The following PIP5K1B variants were observed in gnomAD, a reference collection of about 807,000 sequenced individuals.
PIP5K1B encodes phosphatidylinositol-4-phosphate 5-kinase type 1 beta.
In PIP5K1B, 42 loss-of-function variants were observed where a neutral mutation model predicts 67.0. The observed-to-expected ratio is 0.63, with a 90% CI of 0.49 to 0.81. The LOEUF (loss-of-function observed/expected upper bound fraction) is 0.81. PIP5K1B is among the 30% of genes least tolerant of loss of function. PIP5K1B has a pLI of 0.00. For missense variants in PIP5K1B, 459 were observed against 646.3 expected (o/e 0.71, Z 3.14); for synonymous variants, 214 against 231.4 (o/e 0.92, Z 0.68).
chr9:68,789,284 C>G (rs1485001299), intron 2 of PIP5K1B: 1 of 422,578 alleles, frequency 2.4e-6, no homozygotes, highest in East Asian at 5.6e-5. Flanking sequence ...GGATATTTGA[C>G]TCGGTAGCCA....
intron 15 of PIP5K1B, among the ~76,000 whole-genome samples, chr9:68,995,224 G>GAAAGAAA (rs1385948190): frequency 1.8e-4 from 22 of 119,828 alleles, no homozygotes; most frequent in Admixed American, 3.4e-4. Flanking sequence ...AGGGAGGGGA[G>GAAAGAAA]GGGAGAAAGA....
chr9:68,887,009 GA>G lies in PIP5K1B; in HGVS notation c.319-1970del, dbSNP rs1824511571. On this transcript the variant is annotated intron_variant, in intron 6 of 15. Transcript: ENST00000265382. Reference sequence around the variant, plus strand: ...TTTGCATTTTCTCTTCCCTCTGCCTGAAGTGCCCGTTCCCCAGATAGCCATG... The same window carrying G: ...TTTGCATTTTCTCTTCCCTCTGCCTGAGTGCCCGTTCCCCAGATAGCCATG... Among the ~76,000 whole-genome samples the G allele has an allele frequency of 2.0e-5, 3 of 152,266 alleles. No homozygotes were observed. The South Asian group carries it at 6.2e-4, about 32-fold the overall frequency.
At chr9:69,006,797 T>C (rs888024550) in intron 15 of PIP5K1B, among the ~76,000 whole-genome samples, 4 of 152,212 alleles carry the variant, frequency 2.6e-5, no homozygotes, top group Non-Finnish European at 5.9e-5. Flanking sequence ...ATCACCTCTT[T>C]TTGTTTTTAT....
At chr9:68,793,426 G>A (rs1176740462) in intron 2 of PIP5K1B, among the ~76,000 whole-genome samples, 2 of 152,188 alleles carry the variant, frequency 1.3e-5, no homozygotes, top group Admixed American at 6.5e-5. Context: ...CCAGGTAAGA[G>A]ATGATGATAG....
At chr9:68,956,703 T>C (rs1289991395) in intron 14 of PIP5K1B, among the ~76,000 whole-genome samples, 3 of 152,246 alleles carry the variant, frequency 2.0e-5, no homozygotes, top group Non-Finnish European at 2.9e-5. Context: ...ACAAGCAGCA[T>C]TGAGTCCAAG....
chr9:68,970,111 A>G (rs187286732), intron 14 of PIP5K1B, among the ~76,000 whole-genome samples: 14 of 152,364 alleles, frequency 9.2e-5, no homozygotes, highest in Admixed American at 7.8e-4. Flanking sequence ...TAGCAGAATC[A>G]AGACCAGAAT....
intron 14 of PIP5K1B, among the ~76,000 whole-genome samples, chr9:68,969,367 CAAAA>C (rs10573153): frequency 3.6e-5 from 3 of 84,138 alleles, no homozygotes; most frequent in Non-Finnish European, 7.6e-5. Context: ...GACTCCACCT[CAAAA>C]AAAAAAAAAA....
At chr9:68,892,957 C>T (rs983888985) in intron 7 of PIP5K1B, among the ~76,000 whole-genome samples, 29 of 152,054 alleles carry the variant, frequency 1.9e-4, no homozygotes, top group African/African-American at 6.3e-4. Flanking sequence ...CCTGTAGTCC[C>T]AGCTACTTGG....
At chr9:68,773,019 A>C (rs1021593144) in intron 2 of PIP5K1B, among the ~76,000 whole-genome samples, 1 of 152,234 alleles carries the variant, frequency 6.6e-6, no homozygotes, top group Non-Finnish European at 1.5e-5. Flanking sequence ...AGAGGTTGAC[A>C]GACTTGCCCA....
chr9:68,885,286 G>T (rs1211171128), intron 6 of PIP5K1B, among the ~76,000 whole-genome samples: 1 of 152,220 alleles, frequency 6.6e-6, no homozygotes, highest in Admixed American at 6.5e-5. Context: ...GGAGAATGAT[G>T]ATTACTAGAG....
chr9:68,716,275 T>G lies in PIP5K1B; in HGVS notation c.-243+10513T>G, dbSNP rs1373416256. Among the ~76,000 whole-genome samples the G allele has an allele frequency of 3.3e-5, 5 of 152,360 alleles. No individual in the cohort carries two copies. In the East Asian group the frequency reaches 7.7e-4, roughly 23 times the overall value. ...GCACATCTATGGAGAACTATATGGC[T>G]TCAACTTAAAAGGGATGCCATAACA... On this transcript the variant is annotated intron_variant, in intron 1 of 15. Transcript: ENST00000265382.
At chr9:68,924,371 C>T (rs1372153383) in intron 12 of PIP5K1B, among the ~76,000 whole-genome samples, 1 of 126,844 alleles carries the variant, frequency 7.9e-6, no homozygotes, top group Non-Finnish European at 1.6e-5. Context: ...CACTGTACTG[C>T]AGCCTGGGCA....
At chr9:68,978,965 T>C (rs982277095) in intron 14 of PIP5K1B, among the ~76,000 whole-genome samples, 1 of 152,246 alleles carries the variant, frequency 6.6e-6, no homozygotes, top group Non-Finnish European at 1.5e-5. Flanking sequence ...GTATATGATA[T>C]GAGTAGGGGT....
chr9:68,999,426 C>T (rs1299545739), intron 15 of PIP5K1B, among the ~76,000 whole-genome samples: 1 of 152,156 alleles, frequency 6.6e-6, no homozygotes, highest in Non-Finnish European at 1.5e-5. Flanking sequence ...GTCACTGTGA[C>T]GTTAGATAGA....
intron 14 of PIP5K1B, among the ~76,000 whole-genome samples, chr9:68,987,531 T>C (rs551890960): frequency 2.7e-4 from 41 of 152,248 alleles, no homozygotes; most frequent in South Asian, 1.7e-3. Flanking sequence ...CATTGCACTC[T>C]AGCCTGGGCA....
intron 1 of PIP5K1B, among the ~76,000 whole-genome samples, chr9:68,737,879 A>G (rs1828815112): frequency 6.6e-6 from 1 of 152,190 alleles, no homozygotes; most frequent in African/African-American, 2.4e-5. Flanking sequence ...TTTCTTTTAT[A>G]AAAGGGGCTT....
intron 14 of PIP5K1B, among the ~76,000 whole-genome samples, chr9:68,945,411 G>T (rs1036745851): frequency 6.6e-6 from 1 of 152,180 alleles, no homozygotes; most frequent in Admixed American, 6.5e-5. Flanking sequence ...CTCCCAAAGT[G>T]CAGGGATTAC....
chr9:68,845,766 A>G (rs1473263038), intron 4 of PIP5K1B, among the ~76,000 whole-genome samples: 1 of 152,226 alleles, frequency 6.6e-6, no homozygotes, highest in African/African-American at 2.4e-5. Context: ...GTAATCCTAG[A>G]TCTTGAAACG....
At chr9:68,853,625 G>A (rs1325017718) in intron 4 of PIP5K1B, among the ~76,000 whole-genome samples, 1 of 152,212 alleles carries the variant, frequency 6.6e-6, no homozygotes, top group Non-Finnish European at 1.5e-5. Context: ...TCCTTGGGGA[G>A]GGTGGGTGTT....
Sources: allele counts gnomAD v4.1 joint callset (sites outside exome capture counted in the v4.1 genomes callset), GRCh38; gene constraint gnomAD v4.1.1; transcripts MANE v1.5; gene names NCBI Gene and HGNC (gene_info 2026-07-23, HGNC 2026-07-21).